Variants in SCFD2 observed in about 807,000 individuals in gnomAD.
The protein encoded by SCFD2 is sec1 family domain-containing protein 2.
Under a neutral mutation model 58.9 loss-of-function variants are expected in SCFD2, and 54 were observed. The observed-to-expected ratio is 0.92, with a 90% CI of 0.74 to 1.15. The LOEUF (loss-of-function observed/expected upper bound fraction) is 1.15, where lower values mean the gene tolerates loss of function less well. SCFD2 is among the 50% of genes most tolerant of loss of function. SCFD2 has a pLI of 0.00. For missense variants in SCFD2, 805 were observed against 836.6 expected (o/e 0.96, Z 0.47); for synonymous variants, 321 against 335.9 (o/e 0.96, Z 0.49).
At chr4:52,988,944 A>G (rs1029468355) in intron 5 of SCFD2, among the ~76,000 whole-genome samples, 3 of 152,212 alleles carry the variant, frequency 2.0e-5, no homozygotes, top group African/African-American at 7.2e-5. Context: ...AATTGCTACA[A>G]TGTGTCGACT....
intron 5 of SCFD2, among the ~76,000 whole-genome samples, chr4:52,975,048 A>T (rs1721214056): frequency 1.3e-5 from 2 of 152,228 alleles, no homozygotes; most frequent in African/African-American, 4.8e-5. Flanking sequence ...TAAATGTTAG[A>T]CCTAAAACCA....
intron 4 of SCFD2, among the ~76,000 whole-genome samples, chr4:53,214,702 G>A (rs544493799): frequency 6.6e-6 from 1 of 152,104 alleles, no homozygotes; most frequent in South Asian, 2.1e-4. Flanking sequence ...ATTGCTTTCG[G>A]TGTTTTAGAC....
At chr4:52,882,274 G>A (rs1718632311) in intron 8 of SCFD2, among the ~76,000 whole-genome samples, 1 of 152,150 alleles carries the variant, frequency 6.6e-6, no homozygotes, top group Non-Finnish European at 1.5e-5. Flanking sequence ...ATTGTCGTGG[G>A]GAAGAGGGAT....
chr4:53,110,473 A>G (rs1007935775), intron 5 of SCFD2, among the ~76,000 whole-genome samples: 1 of 152,208 alleles, frequency 6.6e-6, no homozygotes, highest in African/African-American at 2.4e-5. Context: ...AATGGGAGAA[A>G]ATTTTTGCAA....
At chr4:53,062,732 CGT>C (rs1487941708) in intron 5 of SCFD2, among the ~76,000 whole-genome samples, 8 of 152,074 alleles carry the variant, frequency 5.3e-5, no homozygotes, top group African/African-American at 1.7e-4. Context: ...TTTATCCCAT[CGT>C]GATATAAATG....
chr4:53,149,057 A>C (rs1050157666), intron 4 of SCFD2, among the ~76,000 whole-genome samples: 1 of 152,336 alleles, frequency 6.6e-6, no homozygotes, highest in African/African-American at 2.4e-5. Context: ...AGATGGACAA[A>C]TCCAGAAATA....
At chr4:53,289,236 G>A (rs994259163) in intron 3 of SCFD2, among the ~76,000 whole-genome samples, 3 of 151,970 alleles carry the variant, frequency 2.0e-5, no homozygotes, top group Non-Finnish European at 2.9e-5. Flanking sequence ...CATGGTGGCA[G>A]GCGCCTGTAA....
chr4:53,016,190 T>G (rs963698244), intron 5 of SCFD2, among the ~76,000 whole-genome samples: 1 of 152,208 alleles, frequency 6.6e-6, no homozygotes, highest in Non-Finnish European at 1.5e-5. Flanking sequence ...CTCAGAATAA[T>G]GAGAACATTT....
intron 5 of SCFD2, among the ~76,000 whole-genome samples, chr4:53,037,088 C>T (rs1216138989): frequency 2.6e-5 from 4 of 151,906 alleles, no homozygotes; most frequent in Admixed American, 6.6e-5. Context: ...AGTGAATATC[C>T]CTGTATTTAA....
intron 8 of SCFD2, among the ~76,000 whole-genome samples, chr4:52,876,683 G>A (rs1322566400): frequency 1.2e-4 from 17 of 147,210 alleles, no homozygotes. Flanking sequence ...CCTGGAGGTG[G>A]AAGTTGCAGT....
At position 53,287,416 on chromosome 4, in the gene SCFD2, C is replaced by T. The variant is rs529544172; in HGVS notation, c.1136-13415G>A. Among the ~76,000 whole-genome samples, 136 of 152,328 alleles carry T rather than the reference C, an allele frequency of 8.9e-4. 3 individuals are homozygous for T. Among genetic ancestry groups the T allele is most frequent in the African/African-American group, 3.1e-3 (127 of 41,566 alleles). On this transcript the variant is annotated intron_variant, in intron 3 of 8. Coordinates refer to ENST00000401642, the MANE Select transcript of SCFD2 (RefSeq NM_152540.4). ...CCTTACCACTGGGAACCCTAACCTA[C>T]AGTGCCACCACTGTTGCCAAAAACT...
chr4:53,299,666 T>G (rs1377624468), intron 3 of SCFD2, among the ~76,000 whole-genome samples: 1 of 151,840 alleles, frequency 6.6e-6, no homozygotes, highest in Non-Finnish European at 1.5e-5. Context: ...AAAGTTGAAA[T>G]GAAGGAAAAA....
chr4:52,969,725 C>T (rs1302280986), intron 5 of SCFD2, among the ~76,000 whole-genome samples: 1 of 152,152 alleles, frequency 6.6e-6, no homozygotes, highest in African/African-American at 2.4e-5. Context: ...TAAGCAGAGC[C>T]TTCTGCAAAC....
At chr4:53,183,017 G>C (rs1727624701) in intron 4 of SCFD2, among the ~76,000 whole-genome samples, 1 of 152,172 alleles carries the variant, frequency 6.6e-6, no homozygotes, top group African/African-American at 2.4e-5. Context: ...TGCTGGAGAG[G>C]ATGTGGAGAA....
At chr4:52,967,112 T>A (rs541755091) in intron 5 of SCFD2, among the ~76,000 whole-genome samples, 7 of 152,256 alleles carry the variant, frequency 4.6e-5, no homozygotes, top group South Asian at 2.1e-4. Flanking sequence ...TTTGTCCTTT[T>A]ATTTTTGGCT....
chr4:53,132,596 AAAATCCTTTCT>A (rs1725815596), intron 5 of SCFD2, among the ~76,000 whole-genome samples: 1 of 152,256 alleles, frequency 6.6e-6, no homozygotes, highest in Non-Finnish European at 1.5e-5. Context: ...GAGATTAGTC[AAAATCCTTTCT>A]GAAATGAGTG....
chr4:53,294,883 T>C (rs1407348664), intron 3 of SCFD2, among the ~76,000 whole-genome samples: 2 of 152,228 alleles, frequency 1.3e-5, no homozygotes, highest in Non-Finnish European at 2.9e-5. Context: ...CAACACCATT[T>C]ATTAAATAGG....
chr4:52,936,029 G>T lies in SCFD2; in HGVS notation c.1562-15159C>A, dbSNP rs181145785. On this transcript the variant is annotated intron_variant, in intron 5 of 8. Coordinates refer to ENST00000401642, the MANE Select transcript of SCFD2 (RefSeq NM_152540.4). ...ATTTTGTATTTTTAGTAGAGACAGGGTTTCTCCATGCTGTTCAGGCTGGTC... is the reference window on the plus strand; with the variant it reads ...ATTTTGTATTTTTAGTAGAGACAGGTTTTCTCCATGCTGTTCAGGCTGGTC... Among the ~76,000 whole-genome samples, 680 of 152,084 alleles carry T rather than the reference G, an allele frequency of 4.5e-3. 2 individuals carry two copies. Among genetic ancestry groups the T allele is most frequent in the African/African-American group, 0.016 (648 of 41,460 alleles).
At position 52,973,636 on chromosome 4, in the gene SCFD2, A is replaced by G. The variant is rs566867412; in HGVS notation, c.1562-52766T>C. ...TCCTTCTGAAACTATTCCAATCAACAGAAAAAGAGGGAATCCTCCCTCACT... is the reference window on the plus strand; with the variant it reads ...TCCTTCTGAAACTATTCCAATCAACGGAAAAAGAGGGAATCCTCCCTCACT... On this transcript the variant is annotated intron_variant, in intron 5 of 8. Coordinates refer to ENST00000401642, the MANE Select transcript of SCFD2 (RefSeq NM_152540.4). 8.1e-4 allele frequency among the ~76,000 whole-genome samples: 123 copies of G among 152,350 alleles called. 1 individual carries two copies. The highest frequency in any genetic ancestry group is 2.8e-3 in the African/African-American group (118 of 41,578).
Sources: allele counts gnomAD v4.1 joint callset (sites outside exome capture counted in the v4.1 genomes callset), GRCh38; gene constraint gnomAD v4.1.1; transcripts MANE v1.5; gene names NCBI Gene and HGNC (gene_info 2026-07-23, HGNC 2026-07-21).